The following ERBB4 variants were observed in gnomAD, a reference collection of about 807,000 sequenced individuals.
ERBB4 encodes the protein erb-b2 receptor tyrosine kinase 4.
ERBB4 carries 42 observed loss-of-function variants against 158.0 expected under a neutral mutation model. The ratio of observed to expected loss-of-function variants is 0.27; its 90% CI spans 0.21 to 0.34. The LOEUF is 0.34. ERBB4 is among the 10% of genes least tolerant of loss of function. The probability of loss-of-function intolerance (pLI) is 1.00; values close to 1 mark genes in which losing one functional copy is unlikely to be tolerated. For missense variants in ERBB4, 1,333 were observed against 1,624.1 expected (o/e 0.82, Z 3.08); for synonymous variants, 583 against 558.7 (o/e 1.04, Z -0.61).
chr2:212,090,248 A>G (rs541015692), intron 2 of ERBB4, among the ~76,000 whole-genome samples: 1 of 152,270 alleles, frequency 6.6e-6, no homozygotes, highest in Admixed American at 6.5e-5. Flanking sequence ...ATACAATGCA[A>G]TTGAAAATAA....
intron 1 of ERBB4, among the ~76,000 whole-genome samples, chr2:212,393,818 G>A (rs1440520871): frequency 4.6e-5 from 7 of 151,936 alleles, no homozygotes; most frequent in Non-Finnish European, 1.0e-4. Context: ...AGCTTCCTTT[G>A]CAGTAAGGTG....
intron 12 of ERBB4, among the ~76,000 whole-genome samples, chr2:211,681,981 T>A (rs12694250): frequency 0.87 from 131,067 of 151,052 alleles, 56,975 homozygotes; most frequent in East Asian, 0.91. Flanking sequence ...TAGAGTTAAT[T>A]TGCACATATG....
intron 2 of ERBB4, among the ~76,000 whole-genome samples, chr2:211,965,425 T>G (rs2081286620): frequency 6.6e-6 from 1 of 152,186 alleles, no homozygotes; most frequent in Non-Finnish European, 1.5e-5. Context: ...ATATGCCATC[T>G]TCATAAAAGA....
chr2:211,409,707 A>G (rs563523087), intron 25 of ERBB4, among the ~76,000 whole-genome samples: 2 of 152,286 alleles, frequency 1.3e-5, no homozygotes, highest in South Asian at 4.1e-4. Context: ...CAAGATTTTC[A>G]TGGTTTTGAC....
chr2:211,888,842 G>C (rs961269814), intron 3 of ERBB4, among the ~76,000 whole-genome samples: 1 of 151,734 alleles, frequency 6.6e-6, no homozygotes, highest in Non-Finnish European at 1.5e-5. Context: ...TTTTCAGACC[G>C]GCTTAAAAAA....
At chr2:211,770,733 G>A (rs184493287) in intron 4 of ERBB4, among the ~76,000 whole-genome samples, 26 of 152,240 alleles carry the variant, frequency 1.7e-4, no homozygotes, top group African/African-American at 6.3e-4. Flanking sequence ...GAAATTGCAA[G>A]CTGCTTGAGG....
chr2:211,409,916 C>A lies in ERBB4; in HGVS notation c.3135+10525G>T, dbSNP rs535948956. Among the ~76,000 whole-genome samples, 46 of 152,276 alleles carry A rather than the reference C, an allele frequency of 3.0e-4. 1 individual carries two copies. Among genetic ancestry groups the A allele is most frequent in the African/African-American group, 1.1e-3 (45 of 41,566 alleles). ...TAAGGTCCCTTGCAACTCTGACACT[C>A]CGCGAGTACATAGTTACTTATGCAT... On this transcript the variant is annotated intron_variant, in intron 25 of 27. Transcript: ENST00000342788.
At chr2:212,349,165 T>C (rs1186911262) in intron 1 of ERBB4, among the ~76,000 whole-genome samples, 1 of 152,150 alleles carries the variant, frequency 6.6e-6, no homozygotes, top group African/African-American at 2.4e-5. Flanking sequence ...TTTTTTAGAA[T>C]AGAAGAGTTG....
intron 1 of ERBB4, among the ~76,000 whole-genome samples, chr2:212,465,448 T>C (rs1688783943): frequency 6.6e-6 from 1 of 152,206 alleles, no homozygotes; most frequent in South Asian, 2.1e-4. Flanking sequence ...AATGATAATC[T>C]ATATTTTCAT....
chr2:211,545,289 T>C (rs1197817913), intron 20 of ERBB4, among the ~76,000 whole-genome samples: 1 of 151,898 alleles, frequency 6.6e-6, no homozygotes, highest in African/African-American at 2.4e-5. Flanking sequence ...ACAAATTGAG[T>C]GCACCCATGT....
chr2:211,730,047 A>T (rs537442869), intron 5 of ERBB4, among the ~76,000 whole-genome samples: 1 of 152,132 alleles, frequency 6.6e-6, no homozygotes, highest in South Asian at 2.1e-4. Context: ...AAGGAATCAA[A>T]CAATTCATGG....
rs796352070 is a variant in ERBB4 at position 211,965,552 on chromosome 2, A to C, written c.235-17936T>G. On this transcript the variant is annotated intron_variant, in intron 2 of 27. Coordinates refer to ENST00000342788, the MANE Select transcript of ERBB4 (RefSeq NM_005235.3). ...AGACCGGAGTACAAGTAAACCAACT[A>C]AAATTAACCAAGTTGTTATATACAC... Among the ~76,000 whole-genome samples, 6 of 152,308 alleles carry C rather than the reference A, an allele frequency of 3.9e-5. 1 individual carries two copies. The highest frequency in any genetic ancestry group is 1.4e-4 in the African/African-American group (6 of 41,584).
At chr2:212,295,858 G>A (rs1295434265) in intron 1 of ERBB4, among the ~76,000 whole-genome samples, 2 of 152,132 alleles carry the variant, frequency 1.3e-5, no homozygotes, top group Non-Finnish European at 2.9e-5. Context: ...GAATAAATAC[G>A]TGAATTTTAG....
rs555019496 is a variant in ERBB4, at chr2:212,522,130, G to A, written c.82+16319C>T. 9.9e-4 allele frequency among the ~76,000 whole-genome samples: 151 copies of A among 152,074 alleles called. 1 individual carries two copies. The highest frequency in any genetic ancestry group is 3.5e-3 in the African/African-American group (146 of 41,552). On this transcript the variant is annotated intron_variant, in intron 1 of 27. Coordinates refer to ENST00000342788, the MANE Select transcript of ERBB4 (RefSeq NM_005235.3). ...TATAAAATGTTGATATTTAGACTAT[G>A]TGAATTTAATAGGAGCCTAGGCATT...
At chr2:212,143,560 C>A (rs1387754934) in intron 1 of ERBB4, among the ~76,000 whole-genome samples, 2 of 151,986 alleles carry the variant, frequency 1.3e-5, no homozygotes, top group African/African-American at 4.8e-5. Context: ...TACTAGATAG[C>A]CTTACCTTGG....
chr2:211,445,823 C>T (rs2064098224), intron 20 of ERBB4, among the ~76,000 whole-genome samples: 1 of 152,102 alleles, frequency 6.6e-6, no homozygotes, highest in Admixed American at 6.6e-5. Flanking sequence ...TATTCCTCCA[C>T]CCCCAGAGAA....
intron 3 of ERBB4, among the ~76,000 whole-genome samples, chr2:211,845,284 T>C (rs2077562616): frequency 6.7e-6 from 1 of 149,092 alleles, no homozygotes; most frequent in Admixed American, 6.8e-5. Flanking sequence ...AAGTGCCACA[T>C]CAGAATTGGT....
intron 1 of ERBB4, among the ~76,000 whole-genome samples, chr2:212,532,011 G>C (rs1692781390): frequency 6.6e-6 from 1 of 152,114 alleles, no homozygotes; most frequent in Admixed American, 6.5e-5. Context: ...ACACAATATG[G>C]TAATTAGGAG....
At chr2:212,352,550 T>A (rs1360809556) in intron 1 of ERBB4, among the ~76,000 whole-genome samples, 1 of 152,122 alleles carries the variant, frequency 6.6e-6, no homozygotes, top group Admixed American at 6.6e-5. Flanking sequence ...AATGTATATG[T>A]GTAAAACCAT....
Sources: gnomAD v4.1 joint callset for allele counts (sites outside exome capture counted in the v4.1 genomes callset) on GRCh38, gnomAD v4.1.1 for gene constraint, MANE v1.5 for transcripts, NCBI Gene and HGNC (gene_info 2026-07-23, HGNC 2026-07-21) for gene names.